KCNH1: variants seen among roughly 807,000 people sequenced by gnomAD.
KCNH1 encodes potassium voltage-gated channel subfamily H member 1, also known as voltage-gated delayed rectifier potassium channel KCNH1.
A neutral mutation model predicts 69.2 loss-of-function variants in KCNH1; 27 were observed. That is an observed-to-expected ratio of 0.39 (90% CI 0.29 to 0.54). The LOEUF (loss-of-function observed/expected upper bound fraction) is 0.54. Among genes scored for constraint, KCNH1 ranks in the 20% least tolerant of loss-of-function variants. KCNH1 has a pLI of 0.68. For missense variants in KCNH1, 798 were observed against 1,261.6 expected, an observed-to-expected ratio of 0.63 and a Z score of 5.57; for synonymous variants, 456 against 487.7, an observed-to-expected ratio of 0.93 and a Z score of 0.86.
At chr1:210,899,334 A>T (rs973930088) in intron 7 of KCNH1, among the ~76,000 whole-genome samples, 1 of 152,220 alleles carries the variant, frequency 6.6e-6, no homozygotes, top group Admixed American at 6.5e-5. Flanking sequence ...TTCAAAGTCT[A>T]AAAGAACAGC....
chr1:210,943,501 G>A (rs1346514437), intron 6 of KCNH1, among the ~76,000 whole-genome samples: 2 of 151,748 alleles, frequency 1.3e-5, no homozygotes, highest in African/African-American at 4.8e-5. Context: ...GGCGCACACC[G>A]CCACGCCCGG....
chr1:211,076,027 G>A (rs1558593897), intron 5 of KCNH1, among the ~76,000 whole-genome samples: 1 of 152,230 alleles, frequency 6.6e-6, no homozygotes, highest in Non-Finnish European at 1.5e-5. Context: ...CCTGGCAGGG[G>A]GAGGGGCATC....
chr1:210,754,126 A>G (rs1009319896), intron 10 of KCNH1, among the ~76,000 whole-genome samples: 5 of 151,616 alleles, frequency 3.3e-5, no homozygotes, highest in Non-Finnish European at 7.4e-5. Flanking sequence ...TCACCATGTT[A>G]GCCAGGATGG....
intron 6 of KCNH1, among the ~76,000 whole-genome samples, chr1:210,934,926 A>G (rs536093525): frequency 4.6e-4 from 70 of 152,210 alleles, no homozygotes; most frequent in African/African-American, 1.1e-3. Context: ...GACAACAGTA[A>G]GGAAGTTCTT....
chr1:210,983,466 T>C (rs1031838020), intron 6 of KCNH1, among the ~76,000 whole-genome samples: 2 of 152,230 alleles, frequency 1.3e-5, no homozygotes, highest in Non-Finnish European at 2.9e-5. Flanking sequence ...AAGGAAGGGA[T>C]CCAGTTTCAG....
chr1:210,710,355 TA>T (rs1478317891), intron 10 of KCNH1, among the ~76,000 whole-genome samples: 1 of 145,576 alleles, frequency 6.9e-6, no homozygotes, highest in Non-Finnish European at 1.5e-5. Flanking sequence ...CTATAGACTA[TA>T]AACAGTATAT....
chr1:210,851,635 A>G (rs543269941), intron 7 of KCNH1, among the ~76,000 whole-genome samples: 16 of 152,344 alleles, frequency 1.1e-4, no homozygotes, highest in African/African-American at 3.8e-4. Context: ...AGCATCATAG[A>G]GTATACTCAT....
intron 5 of KCNH1, among the ~76,000 whole-genome samples, chr1:211,058,379 C>A (rs952362586): frequency 1.3e-5 from 2 of 151,856 alleles, no homozygotes; most frequent in Non-Finnish European, 1.5e-5. Flanking sequence ...AAAGTTGAAC[C>A]AATAAAAAAT....
intron 1 of KCNH1, chr1:211,132,645 T>C (rs1414377375): frequency 6.6e-6 from 1 of 152,208 alleles, no homozygotes; most frequent in Non-Finnish European, 1.5e-5. Context: ...TTCCCCTGAA[T>C]CCCTAACTAA....
chr1:211,029,771 C>T (rs995926616), intron 5 of KCNH1, among the ~76,000 whole-genome samples: 1 of 152,118 alleles, frequency 6.6e-6, no homozygotes, highest in South Asian at 2.1e-4. Context: ...TTGCAAATGA[C>T]ATAATGCTAC....
rs542871169 is a variant in KCNH1 at position 210,931,584 on chromosome 1, G to T, written c.1033-11515C>A. Among the ~76,000 whole-genome samples, 27 of 152,062 alleles carry T rather than the reference G, an allele frequency of 1.8e-4. No individual in the cohort carries two copies. In the South Asian group the frequency reaches 5.6e-3, roughly 32 times the overall value. On this transcript the variant is annotated intron_variant, in intron 6 of 10. Coordinates refer to ENST00000271751, the MANE Select transcript of KCNH1 (RefSeq NM_172362.3). ...ACAGTGTCCACTGCTCTGGTGATGG[G>T]TGCATCAAAATCTCAGAAATCACCA...
intron 10 of KCNH1, among the ~76,000 whole-genome samples, chr1:210,757,082 A>C (rs371363078): frequency 1.3e-5 from 2 of 152,094 alleles, no homozygotes; most frequent in African/African-American, 4.8e-5. Context: ...TGGTGACTCT[A>C]TTTCTCTGAT....
At position 210,785,010 on chromosome 1, in the gene KCNH1, T is replaced by A. The variant is rs574187365; in HGVS notation, c.1916-9466A>T. Among the ~76,000 whole-genome samples the A allele has an allele frequency of 3.9e-5, 6 of 152,218 alleles. No individual in the cohort carries two copies. In the East Asian group the frequency reaches 1.2e-3, roughly 29 times the overall value. On this transcript the variant is annotated intron_variant, in intron 9 of 10. Transcript: ENST00000271751. ...CATGGATCAGGCAGAATTCCAGTGATTCAGGGGGATAAAACAGAAGGCTAA... is the reference window on the plus strand; with the variant it reads ...CATGGATCAGGCAGAATTCCAGTGAATCAGGGGGATAAAACAGAAGGCTAA...
intron 7 of KCNH1, among the ~76,000 whole-genome samples, chr1:210,856,266 CA>C (rs1685834374): frequency 6.6e-6 from 1 of 152,190 alleles, no homozygotes; most frequent in Non-Finnish European, 1.5e-5. Context: ...ACTCCCAAAC[CA>C]GAGCCCGCCT....
chr1:210,941,178 G>A (rs533851435), intron 6 of KCNH1, among the ~76,000 whole-genome samples: 3 of 152,340 alleles, frequency 2.0e-5, no homozygotes, highest in Admixed American at 6.5e-5. Flanking sequence ...CTAACCACAT[G>A]TGCTAACACT....
chr1:210,742,903 G>A (rs113413039), intron 10 of KCNH1, among the ~76,000 whole-genome samples: 2,549 of 152,194 alleles, frequency 0.017, 73 homozygotes, highest in African/African-American at 0.058. Flanking sequence ...AAGTACAGGA[G>A]ATACTACAAA....
chr1:210,922,404 A>AC (rs1574340548), intron 6 of KCNH1, among the ~76,000 whole-genome samples: 37 of 42,608 alleles, frequency 8.7e-4, no homozygotes, highest in South Asian at 2.9e-3. Flanking sequence ...AAAAAAAAAA[A>AC]AAAAAAAAAA....
chr1:210,897,493 T>C (rs929468498), intron 7 of KCNH1, among the ~76,000 whole-genome samples: 1 of 152,080 alleles, frequency 6.6e-6, no homozygotes, highest in Non-Finnish European at 1.5e-5. Flanking sequence ...ATTAAGTGTG[T>C]TCTCCTAGAC....
At chr1:210,688,642 C>T (rs954402370) in intron 10 of KCNH1, among the ~76,000 whole-genome samples, 1 of 152,332 alleles carries the variant, frequency 6.6e-6, no homozygotes, top group Non-Finnish European at 1.5e-5. Flanking sequence ...TGACCTCATA[C>T]TGATTTCATC....
Sources: allele counts gnomAD v4.1 joint callset (sites outside exome capture counted in the v4.1 genomes callset), GRCh38; gene constraint gnomAD v4.1.1; transcripts MANE v1.5; gene names NCBI Gene and HGNC (gene_info 2026-07-23, HGNC 2026-07-21).